ROBO1: variants seen among roughly 807,000 people sequenced by gnomAD.
ROBO1 encodes roundabout homolog 1.
A neutral mutation model predicts 195.9 loss-of-function variants in ROBO1; 149 were observed. The observed-to-expected ratio is 0.76, with a 90% CI of 0.67 to 0.87. The LOEUF is 0.87. Among genes scored for constraint, ROBO1 ranks in the 40% least tolerant of loss-of-function variants. The pLI is 0.00. For synonymous variants in ROBO1, 816 were observed against 733.2 expected, an observed-to-expected ratio of 1.11 and a Z score of -1.82; for missense variants, 1,933 against 2,068.3, an observed-to-expected ratio of 0.93 and a Z score of 1.27.
At chr3:79,702,522 C>T (rs1947649037) in intron 1 of ROBO1, among the ~76,000 whole-genome samples, 1 of 151,866 alleles carries the variant, frequency 6.6e-6, no homozygotes, top group African/African-American at 2.4e-5. Flanking sequence ...GCTACTTTTC[C>T]TGGGATCCAA....
At chr3:79,660,476 T>C (rs1002581650) in intron 1 of ROBO1, among the ~76,000 whole-genome samples, 1 of 152,076 alleles carries the variant, frequency 6.6e-6, no homozygotes, top group Non-Finnish European at 1.5e-5. Flanking sequence ...TTGTGTTTCC[T>C]CTTTCTGCAA....
At position 79,395,301 on chromosome 3, in the gene ROBO1, G is replaced by C. The variant is rs2037109257; in HGVS notation, c.88+194523C>G. 3.3e-5 allele frequency among the ~76,000 whole-genome samples: 4 copies of C among 123,048 alleles called. No homozygotes were observed. In the South Asian group the frequency reaches 1.0e-3, roughly 32 times the overall value. The allele number at this position is 123,048 out of a possible 152,430, so 80.7% of individuals were successfully genotyped here. ...CCCGCCACTGTACTCCAGCCTGGGC[G>C]ATAGAGCAAGACTCCGTCTCAAAAA... On this transcript the variant is annotated intron_variant, in intron 2 of 30. Transcript: ENST00000464233.
intron 8 of ROBO1, among the ~76,000 whole-genome samples, chr3:78,699,149 T>G (rs930878169): frequency 6.6e-6 from 1 of 152,118 alleles, no homozygotes; most frequent in Non-Finnish European, 1.5e-5. Context: ...CCTCCTTCTC[T>G]CTTTATTGCC....
At chr3:79,477,505 T>TA (rs1938606628) in intron 2 of ROBO1, among the ~76,000 whole-genome samples, 1 of 152,136 alleles carries the variant, frequency 6.6e-6, no homozygotes, top group African/African-American at 2.4e-5. Flanking sequence ...TGATTTATGA[T>TA]ATGCAAGAAG....
At chr3:78,681,881 G>A (rs191869150) in intron 10 of ROBO1, among the ~76,000 whole-genome samples, 335 of 152,080 alleles carry the variant, frequency 2.2e-3, no homozygotes, top group African/African-American at 7.6e-3. Flanking sequence ...CAGCCTCGGC[G>A]ACTCAGTCTC....
Position 79,046,435 on chromosome 3 carries a change from A to G in ROBO1, c.172+79021T>C, listed in dbSNP as rs148894032. On this transcript the variant is annotated intron_variant, in intron 3 of 30. Transcript: ENST00000464233. ...TGTACCCAGATTTCGAAGTGATAGG[A>G]AAATATATTACACGGTAATGTAACA... 2.2e-4 allele frequency among the ~76,000 whole-genome samples: 34 copies of G among 152,240 alleles called. No individual in the cohort carries two copies. The East Asian group carries it at 6.4e-3, about 29-fold the overall frequency.
intron 5 of ROBO1, among the ~76,000 whole-genome samples, chr3:78,735,676 T>C (rs1029785981): frequency 2.0e-5 from 3 of 152,144 alleles, no homozygotes; most frequent in Admixed American, 2.0e-4. Flanking sequence ...CTATTTTCAA[T>C]GCTGTTACCA....
At chr3:79,124,777 G>C (rs796383807) in intron 3 of ROBO1, among the ~76,000 whole-genome samples, 3 of 152,182 alleles carry the variant, frequency 2.0e-5, no homozygotes, top group Non-Finnish European at 2.9e-5. Context: ...AATTATCTCA[G>C]AGTTAGAGAT....
intron 2 of ROBO1, among the ~76,000 whole-genome samples, chr3:79,519,503 C>T (rs1941106124): frequency 6.6e-6 from 1 of 151,244 alleles, no homozygotes; most frequent in South Asian, 2.1e-4. Flanking sequence ...GTGGCGGGCG[C>T]CTGTAGTCTC....
chr3:79,113,204 A>G (rs1476724958), intron 3 of ROBO1, among the ~76,000 whole-genome samples: 1 of 152,158 alleles, frequency 6.6e-6, no homozygotes, highest in African/African-American at 2.4e-5. Context: ...GCTAGTTGAT[A>G]TTGCTAATAC....
intron 1 of ROBO1, among the ~76,000 whole-genome samples, chr3:79,678,663 T>A (rs1946854478): frequency 6.6e-6 from 1 of 152,104 alleles, no homozygotes; most frequent in South Asian, 2.1e-4. Context: ...TAGTAGGAGT[T>A]TCTTTGACTT....
intron 4 of ROBO1, among the ~76,000 whole-genome samples, chr3:78,843,382 G>T (rs929237753): frequency 3.3e-5 from 5 of 152,016 alleles, no homozygotes; most frequent in African/African-American, 1.2e-4. Flanking sequence ...CAGTGTTACA[G>T]ATCTCAGCAA....
In ROBO1 at chr3:79,311,981, C is replaced by G. The variant is rs76971419; in HGVS notation, c.89-186442G>C. 2.0e-3 allele frequency among the ~76,000 whole-genome samples: 306 copies of G among 152,220 alleles called. 2 individuals are homozygous for G. Among genetic ancestry groups the G allele is most frequent in the African/African-American group, 6.9e-3 (286 of 41,562 alleles). ...CCAGATCCATGTATCCAATTCTGAA[C>G]TCCCCTCACATAATTAAATCAAATT... is the stretch of plus-strand genomic sequence containing the variant. On this transcript the variant is annotated intron_variant, in intron 2 of 30. Coordinates refer to ENST00000464233, the MANE Select transcript of ROBO1 (RefSeq NM_002941.4).
chr3:79,042,871 G>A (rs759892414), intron 3 of ROBO1, among the ~76,000 whole-genome samples: 6 of 152,044 alleles, frequency 3.9e-5, no homozygotes, highest in Non-Finnish European at 5.9e-5. Flanking sequence ...GCTTCTTAAA[G>A]CTCCATTTTA....
At chr3:79,704,881 G>T (rs1947720849) in intron 1 of ROBO1, among the ~76,000 whole-genome samples, 1 of 151,900 alleles carries the variant, frequency 6.6e-6, no homozygotes, top group Admixed American at 6.6e-5. Flanking sequence ...TCAACCATAT[G>T]AATGGGTGTA....
Position 79,271,894 on chromosome 3 carries a change from C to A in ROBO1, c.89-146355G>T, listed in dbSNP as rs139916279. On this transcript the variant is annotated intron_variant, in intron 2 of 30. Coordinates refer to ENST00000464233, the MANE Select transcript of ROBO1 (RefSeq NM_002941.4). ...CCTTTAAAATTAATCAATTTATTTTCTAAATTATTTTGAAATGTGGATTCT... is the reference window on the plus strand; with the variant it reads ...CCTTTAAAATTAATCAATTTATTTTATAAATTATTTTGAAATGTGGATTCT... 2.7e-3 allele frequency among the ~76,000 whole-genome samples: 407 copies of A among 151,900 alleles called. 2 individuals carry two copies. The highest frequency in any genetic ancestry group is 9.1e-3 in the African/African-American group (378 of 41,448).
chr3:78,808,741 T>C (rs755863097), intron 4 of ROBO1, among the ~76,000 whole-genome samples: 1 of 152,092 alleles, frequency 6.6e-6, no homozygotes, highest in Admixed American at 6.5e-5. Context: ...AAACAAGCAA[T>C]GGGGAAACGA....
intron 2 of ROBO1, among the ~76,000 whole-genome samples, chr3:79,195,667 A>C (rs1489829599): frequency 6.6e-6 from 1 of 151,618 alleles, no homozygotes; most frequent in Non-Finnish European, 1.5e-5. Flanking sequence ...ACAGAAATTC[A>C]GTTAATAAAA....
intron 3 of ROBO1, among the ~76,000 whole-genome samples, chr3:78,949,547 C>T (rs886718346): frequency 2.0e-5 from 3 of 152,118 alleles, no homozygotes; most frequent in Non-Finnish European, 2.9e-5. Context: ...AGACCTAAAA[C>T]CATAAAAACC....
Sources: gnomAD v4.1 joint callset for allele counts (sites outside exome capture counted in the v4.1 genomes callset) on GRCh38, gnomAD v4.1.1 for gene constraint, MANE v1.5 for transcripts, NCBI Gene and HGNC (gene_info 2026-07-23, HGNC 2026-07-21) for gene names.